ZMIZ1: variants seen among roughly 807,000 people sequenced by gnomAD.
ZMIZ1 encodes zinc finger MIZ-type containing 1.
In ZMIZ1, 17 loss-of-function variants were observed where a neutral mutation model predicts 113.9. The observed-to-expected ratio is 0.15, with a 90% confidence interval of 0.10 to 0.22. The LOEUF (loss-of-function observed/expected upper bound fraction) is 0.22. Ranked by LOEUF, ZMIZ1 falls within the 10% of genes least tolerant of loss-of-function variation. The probability of loss-of-function intolerance (pLI) is 1.00; values close to 1 mark genes in which losing one functional copy is unlikely to be tolerated. For missense variants in ZMIZ1, 1,059 were observed against 1,477.8 expected, an observed-to-expected ratio of 0.72 and a Z score of 4.65; for synonymous variants, 607 against 603.1, an observed-to-expected ratio of 1.01 and a Z score of -0.09.
intron 17 of ZMIZ1, among the ~76,000 whole-genome samples, chr10:79,301,413 A>G (rs372806958): frequency 6.6e-6 from 1 of 151,854 alleles, no homozygotes; most frequent in Non-Finnish European, 1.5e-5. Flanking sequence ...AGAGTCACGT[A>G]TGGGGGTCCT....
chr10:79,202,243 G>GAGAA (rs1276217679), intron 5 of ZMIZ1, among the ~76,000 whole-genome samples: 2 of 144,138 alleles, frequency 1.4e-5, no homozygotes, highest in East Asian at 4.0e-4. Context: ...AGGAAGGAGG[G>GAGAA]AGAAAGAAAG....
At chr10:79,097,929 G>C (rs1843227115) in intron 1 of ZMIZ1, among the ~76,000 whole-genome samples, 1 of 152,196 alleles carries the variant, frequency 6.6e-6, no homozygotes, top group Non-Finnish European at 1.5e-5. Flanking sequence ...GGCTTCTCAG[G>C]CAGACGTAGA....
At chr10:79,175,857 G>C (rs1490963884) in intron 4 of ZMIZ1, among the ~76,000 whole-genome samples, 1 of 152,036 alleles carries the variant, frequency 6.6e-6, no homozygotes, top group Non-Finnish European at 1.5e-5. Flanking sequence ...AGGACTCCTG[G>C]GAGCCGGTGT....
At chr10:79,308,824 A>C (rs550632596) in intron 23 of ZMIZ1, among the ~76,000 whole-genome samples, 1 of 152,158 alleles carries the variant, frequency 6.6e-6, no homozygotes, top group South Asian at 2.1e-4. Context: ...GCGCCCTCAC[A>C]GTTCCTAACA....
chr10:79,240,740 C>T (rs149665575), intron 7 of ZMIZ1, among the ~76,000 whole-genome samples: 3 of 148,634 alleles, frequency 2.0e-5, no homozygotes, highest in African/African-American at 7.5e-5. Context: ...TCCAGCCCCA[C>T]CCTATGACTT....
intron 1 of ZMIZ1, among the ~76,000 whole-genome samples, chr10:79,098,721 T>C (rs1843255109): frequency 6.6e-6 from 1 of 152,204 alleles, no homozygotes; most frequent in African/African-American, 2.4e-5. Context: ...CCTGCGTCTC[T>C]AAGCTGCTGC....
At chr10:79,137,965 G>C (rs967603520) in intron 2 of ZMIZ1, among the ~76,000 whole-genome samples, 1 of 152,252 alleles carries the variant, frequency 6.6e-6, no homozygotes, top group African/African-American at 2.4e-5. Flanking sequence ...GTGGTAAACC[G>C]ATCTGGCTTC....
chr10:79,114,477 C>CGTGTGTGTGTGCGTGCGTGTGTG (rs1564658303), intron 1 of ZMIZ1, among the ~76,000 whole-genome samples: 1 of 64,922 alleles, frequency 1.5e-5, no homozygotes, highest in African/African-American at 5.3e-5. Context: ...GTGTGTGTGT[C>CGTGTGTGTGTGCGTGCGTGTGTG]TGTGTGTGTG....
In ZMIZ1 at chr10:79,076,307, C is replaced by G. The variant is rs149429762; in HGVS notation, c.-337+7037C>G. ...CCTGGCACAGCCCCCCTTAGCCACT[C>G]TTGAGCTCATTAATAAATGCTCTTC... On this transcript the variant is annotated intron_variant, in intron 1 of 24. Transcript: ENST00000334512. 3.6e-3 allele frequency among the ~76,000 whole-genome samples: 542 copies of G among 152,324 alleles called. 3 individuals carry two copies. The highest frequency in any genetic ancestry group is 0.014 in the Middle Eastern group (4 of 292).
intron 7 of ZMIZ1, among the ~76,000 whole-genome samples, chr10:79,264,334 G>A (rs965354066): frequency 1.3e-4 from 20 of 152,204 alleles, no homozygotes; most frequent in African/African-American, 4.8e-4. Flanking sequence ...CCTCACCACG[G>A]ACACTGGTGC....
At chr10:79,107,863 C>A (rs1318133057) in intron 1 of ZMIZ1, among the ~76,000 whole-genome samples, 2 of 152,132 alleles carry the variant, frequency 1.3e-5, no homozygotes, top group African/African-American at 2.4e-5. Flanking sequence ...GTGAAAAGAC[C>A]CAGTTGCTTT....
chr10:79,120,324 G>A (rs1000151601), intron 2 of ZMIZ1, among the ~76,000 whole-genome samples: 10 of 152,102 alleles, frequency 6.6e-5, no homozygotes, highest in Admixed American at 6.5e-4. Context: ...ACACATACAC[G>A]GGCACAAACT....
intron 3 of ZMIZ1, among the ~76,000 whole-genome samples, chr10:79,151,962 G>A (rs372790015): frequency 3.9e-5 from 6 of 152,216 alleles, no homozygotes; most frequent in East Asian, 1.9e-4. Context: ...CTCGCCCGCC[G>A]CCATCTGGGC....
intron 7 of ZMIZ1, among the ~76,000 whole-genome samples, chr10:79,262,483 G>C (rs1851327653): frequency 6.6e-6 from 1 of 152,240 alleles, no homozygotes; most frequent in Non-Finnish European, 1.5e-5. Context: ...TGAGTAACAG[G>C]TGCAGCCAGG....
chr10:79,220,846 C>T (rs1848935126), intron 7 of ZMIZ1, among the ~76,000 whole-genome samples: 1 of 149,436 alleles, frequency 6.7e-6, no homozygotes, highest in South Asian at 2.2e-4. Context: ...ATGTGCATGT[C>T]TCTGTGTATG....
chr10:79,260,217 A>C (rs966159819), intron 7 of ZMIZ1, among the ~76,000 whole-genome samples: 2 of 152,204 alleles, frequency 1.3e-5, no homozygotes, highest in Non-Finnish European at 1.5e-5. Flanking sequence ...GTATTGTTCT[A>C]GGCACTGGGG....
At chr10:79,176,229 C>T (rs897552244) in intron 4 of ZMIZ1, among the ~76,000 whole-genome samples, 2 of 152,080 alleles carry the variant, frequency 1.3e-5, no homozygotes, top group Non-Finnish European at 2.9e-5. Context: ...GGAGAGCTCC[C>T]AGGCTTCTCC....
At chr10:79,110,766 G>A (rs1156509950) in intron 1 of ZMIZ1, among the ~76,000 whole-genome samples, 1 of 152,220 alleles carries the variant, frequency 6.6e-6, no homozygotes, top group Admixed American at 6.5e-5. Flanking sequence ...GCCAGGTGAG[G>A]ACTGAGGCCC....
chr10:79,159,952 G>A (rs960349697), intron 3 of ZMIZ1, among the ~76,000 whole-genome samples: 4 of 152,338 alleles, frequency 2.6e-5, no homozygotes, highest in South Asian at 2.1e-4. Context: ...GCCCGACGCC[G>A]TTTCTCCGGG....
Sources: gnomAD v4.1 joint callset for allele counts (sites outside exome capture counted in the v4.1 genomes callset) on GRCh38, gnomAD v4.1.1 for gene constraint, MANE v1.5 for transcripts, NCBI Gene and HGNC (gene_info 2026-07-23, HGNC 2026-07-21) for gene names.